The following RASGEF1A variants were observed in gnomAD, a reference collection of about 807,000 sequenced individuals.
RASGEF1A encodes RasGEF domain family member 1A, also known as ras-GEF domain-containing family member 1A.
Under a neutral mutation model 56.4 loss-of-function variants are expected in RASGEF1A, and 18 were observed. The ratio of observed to expected loss-of-function variants is 0.32; its 90% CI spans 0.22 to 0.47. The LOEUF (loss-of-function observed/expected upper bound fraction) is 0.47, where lower values mean the gene tolerates loss of function less well. Among genes scored for constraint, RASGEF1A ranks in the 20% least tolerant of loss-of-function variants. The pLI, the probability that RASGEF1A is intolerant of heterozygous loss-of-function variation, is 1.00. For missense variants in RASGEF1A, 422 were observed against 627.1 expected (o/e 0.67, Z 3.49); for synonymous variants, 245 against 242.6 (o/e 1.01, Z -0.09).
chr10:43,214,335 C>A lies in RASGEF1A; in HGVS notation c.-6-8213G>T, dbSNP rs1485794427. On this transcript the variant is annotated intron_variant, in intron 1 of 12. Coordinates refer to ENST00000395810, the MANE Select transcript of RASGEF1A (RefSeq NM_145313.4). The stretch of plus-strand genomic sequence containing the variant: ...CTTTCTGTGTCCTGCACTGAGGATG[C>A]CCAGTGATGAGGAGACCCAACAGAG... 2.6e-5 allele frequency among the ~76,000 whole-genome samples: 4 copies of A among 152,296 alleles called. No homozygotes were observed. The South Asian group carries it at 8.3e-4, about 32-fold the overall frequency.
chr10:43,251,100 C>T (rs1029092191), intron 1 of RASGEF1A, among the ~76,000 whole-genome samples: 2 of 152,212 alleles, frequency 1.3e-5, no homozygotes, highest in African/African-American at 4.8e-5. Context: ...CGGGAAGGTG[C>T]CAGAAACCCA....
In RASGEF1A at chr10:43,203,432, A is replaced by G; in HGVS notation, c.199-12T>C. 1 of 1,528,896 alleles carries G rather than the reference A, an allele frequency of 6.5e-7. No individual in the cohort carries two copies. Among genetic ancestry groups the G allele is most frequent in the Non-Finnish European group, 8.8e-7 (1 of 1,132,074 alleles). 94.7% of individuals were successfully genotyped at this position (1,528,896 alleles called of 1,614,324 possible). A position where few individuals can be genotyped will look rare whatever the true frequency, so the allele number is the denominator to read the frequency against. ...AAGATGTACGTCCTCTGAAGGCAGGAGACGGAGAGAGGGCGGAGGGAGGGT... is the reference window on the plus strand; with the variant it reads ...AAGATGTACGTCCTCTGAAGGCAGGGGACGGAGAGAGGGCGGAGGGAGGGT... On this transcript the variant is annotated splice_polypyrimidine_tract_variant and intron_variant, in intron 2 of 12. Coordinates refer to ENST00000395810, the MANE Select transcript of RASGEF1A (RefSeq NM_145313.4).
chr10:43,200,209 G>A lies in RASGEF1A; in HGVS notation c.729C>T (p.Ser243=). The change falls in exon 6 of 13, where the codon AGC becomes AGT. Residue 243 remains serine, a synonymous_variant. Coordinates refer to ENST00000395810, the MANE Select transcript of RASGEF1A (RefSeq NM_145313.4). Reference sequence around the variant, plus strand: ...TGTGGTTGTCCAAGGAGTCCATGTGGCTGACGATCTGCATCAAGTCCTCAG... The same window carrying A: ...TGTGGTTGTCCAAGGAGTCCATGTGACTGACGATCTGCATCAAGTCCTCAG... The part of the protein sequence containing the change: ...IYPEDLMQIV[S]HMDSLDNHRC... 1 of 1,605,966 alleles carries A rather than the reference G, an allele frequency of 6.2e-7. No homozygotes were observed. Among genetic ancestry groups the A allele is most frequent in the East Asian group, 2.2e-5 (1 of 44,702 alleles).
intron 1 of RASGEF1A, among the ~76,000 whole-genome samples, chr10:43,213,769 G>A (rs912249285): frequency 3.9e-5 from 6 of 152,088 alleles, no homozygotes; most frequent in Non-Finnish European, 8.8e-5. Context: ...TGGGATTGCA[G>A]GTGTACACCA....
chr10:43,253,685 G>A (rs1487823126), intron 1 of RASGEF1A, among the ~76,000 whole-genome samples: 1 of 152,190 alleles, frequency 6.6e-6, no homozygotes, highest in East Asian at 1.9e-4. Context: ...CACAGGGGAC[G>A]GGGACCTCAA....
chr10:43,213,412 A>G (rs142565787), intron 1 of RASGEF1A, among the ~76,000 whole-genome samples: 1 of 152,278 alleles, frequency 6.6e-6, no homozygotes, highest in Non-Finnish European at 1.5e-5. Context: ...GAGAGCAAGA[A>G]TGGAAGTGGC....
chr10:43,207,455 G>A (rs1052254558), intron 1 of RASGEF1A: 3 of 954,780 alleles, frequency 3.1e-6, no homozygotes, highest in East Asian at 1.2e-4. Flanking sequence ...GCACGTCCCT[G>A]TCCCTCCCAC....
chr10:43,207,363 C>T, intron 1 of RASGEF1A: 5 of 984,954 alleles, frequency 5.1e-6, no homozygotes, highest in Non-Finnish European at 6.0e-6. Context: ...AAGGAGAGAG[C>T]GGACCACCTG....
At chr10:43,262,961 AG>A (rs943353892) in intron 1 of RASGEF1A, among the ~76,000 whole-genome samples, 7 of 152,160 alleles carry the variant, frequency 4.6e-5, no homozygotes, top group Non-Finnish European at 8.8e-5. Context: ...AAGCTGGCAG[AG>A]GGGGTGAGGG....
At chr10:43,200,921 T>G in intron 4 of RASGEF1A, 33 bp from the exon 5 acceptor site, 1 of 1,581,904 alleles carries the variant, frequency 6.3e-7, no homozygotes, top group African/African-American at 1.3e-5. Context: ...GGTGCCAGCA[T>G]GGGCTGGCAG....
chr10:43,200,940 C>T (rs755629474), intron 4 of RASGEF1A, 52 bp from the exon 5 acceptor site: 2 of 1,520,366 alleles, frequency 1.3e-6, no homozygotes, highest in Non-Finnish European at 1.8e-6. Context: ...AGCAAGGCCA[C>T]CACCACTGTG....
intron 1 of RASGEF1A, among the ~76,000 whole-genome samples, chr10:43,244,845 A>C (rs1411695466): frequency 6.6e-6 from 1 of 152,268 alleles, no homozygotes; most frequent in East Asian, 1.9e-4. Context: ...ATAAAACTAT[A>C]AATGTCCACA....
At chr10:43,222,741 A>G (rs1454463101) in intron 1 of RASGEF1A, among the ~76,000 whole-genome samples, 1 of 152,230 alleles carries the variant, frequency 6.6e-6, no homozygotes, top group Non-Finnish European at 1.5e-5. Context: ...ATTGAATCTG[A>G]GAAAGGAGTC....
intron 1 of RASGEF1A, among the ~76,000 whole-genome samples, chr10:43,256,181 G>C (rs1840687147): frequency 6.6e-6 from 1 of 152,176 alleles, no homozygotes; most frequent in African/African-American, 2.4e-5. Context: ...ACAAGCCACA[G>C]GTGGAGTGAG....
At chr10:43,243,578 C>T (rs1459252613) in intron 1 of RASGEF1A, among the ~76,000 whole-genome samples, 9 of 140,786 alleles carry the variant, frequency 6.4e-5, no homozygotes, top group South Asian at 2.3e-4. Context: ...AGGTGAGGGG[C>T]GCCTCTGCCT....
In RASGEF1A at chr10:43,196,090, G is replaced by A; in HGVS notation, c.*154C>T. 1 of 705,500 alleles carries A rather than the reference G, an allele frequency of 1.4e-6. No individual in the cohort carries two copies. The highest frequency in any genetic ancestry group is 2.2e-5 in the South Asian group (1 of 45,310). 43.7% of individuals were successfully genotyped at this position (705,500 alleles called of 1,614,324 possible). A position where few individuals can be genotyped will look rare whatever the true frequency, so the allele number is the denominator to read the frequency against. On this transcript the variant is annotated 3_prime_UTR_variant, in exon 13 of 13. Transcript: ENST00000395810. This position sits in a 1 kb window ranked among gnomAD's most constrained non-coding sequence, Gnocchi z 4.6. ...AAAAAAAACTTTGTAAGTGCCAAAGGTTGATGCGTGAAATAATTACCATTT... is the reference window on the plus strand; with the variant it reads ...AAAAAAAACTTTGTAAGTGCCAAAGATTGATGCGTGAAATAATTACCATTT...
In RASGEF1A at chr10:43,265,246, G is replaced by A. The variant is rs192892985; in HGVS notation, c.-7+1599C>T. Among the ~76,000 whole-genome samples, 16 of 152,332 alleles carry A rather than the reference G, an allele frequency of 1.1e-4. No individual in the cohort carries two copies. The East Asian group carries it at 2.9e-3, about 28-fold the overall frequency. On this transcript the variant is annotated intron_variant, in intron 1 of 12. Coordinates refer to ENST00000395810, the MANE Select transcript of RASGEF1A (RefSeq NM_145313.4). ...TTTGCCAGGTGGAAGGGAGCCATCC[G>A]GCTGGCAGCTCGAAGATGCCTCCCA...
chr10:43,201,719 T>A lies in RASGEF1A; in HGVS notation c.459+89A>T, dbSNP rs534163814. 3.0e-6 allele frequency: 4 copies of A among 1,330,148 alleles called. No individual in the cohort carries two copies. In the South Asian group the frequency reaches 5.4e-5, roughly 18 times the overall value. 82.4% of individuals were successfully genotyped at this position (1,330,148 alleles called of 1,614,324 possible). ...GGGAGTAACATGGAAGGGGACCACATACAGAGTTGTCCCCGAAGCCCCCAC... is the reference window on the plus strand; with the variant it reads ...GGGAGTAACATGGAAGGGGACCACAAACAGAGTTGTCCCCGAAGCCCCCAC... On this transcript the variant is annotated intron_variant, in intron 4 of 12. Transcript: ENST00000395810.
intron 1 of RASGEF1A, among the ~76,000 whole-genome samples, chr10:43,232,782 C>T (rs999087010): frequency 1.3e-5 from 2 of 152,174 alleles, no homozygotes; most frequent in Admixed American, 6.5e-5. Context: ...CCACCGTGCC[C>T]GGCCAAGGCC....
Sources: gnomAD v4.1 joint callset for allele counts (sites outside exome capture counted in the v4.1 genomes callset) on GRCh38, gnomAD v4.1.1 for gene constraint, Gnocchi (gnomAD v3.1) non-coding constraint, MANE v1.5 for transcripts, NCBI Gene and HGNC (gene_info 2026-07-23, HGNC 2026-07-21) for gene names.